RORA: variants seen among roughly 807,000 people sequenced by gnomAD.
RORA encodes the protein nuclear receptor ROR-alpha.
In RORA, 7 loss-of-function variants were observed where a neutral mutation model predicts 69.5. That is an observed-to-expected ratio of 0.10 (90% CI 0.06 to 0.19). The LOEUF (loss-of-function observed/expected upper bound fraction) is 0.19, where lower values mean the gene tolerates loss of function less well. RORA is among the 10% of genes least tolerant of loss of function. The pLI, the probability that RORA is intolerant of heterozygous loss-of-function variation, is 1.00. For synonymous variants in RORA, 261 were observed against 240.8 expected, an observed-to-expected ratio of 1.08 and a Z score of -0.78; for missense variants, 457 against 663.0, an observed-to-expected ratio of 0.69 and a Z score of 3.41.
intron 1 of RORA, among the ~76,000 whole-genome samples, chr15:61,046,814 T>A (rs782946): frequency 6.6e-6 from 1 of 152,108 alleles, no homozygotes; most frequent in Non-Finnish European, 1.5e-5. Flanking sequence ...TCCTCTGGTG[T>A]CAACCTGAAG....
intron 1 of RORA, among the ~76,000 whole-genome samples, chr15:61,212,686 CA>C (rs1317095635): frequency 2.0e-5 from 3 of 152,226 alleles, no homozygotes; most frequent in Admixed American, 1.3e-4. Context: ...GCCACCATGC[CA>C]GGCCCATTCT....
At chr15:60,759,142 A>T (rs548072555) in intron 1 of RORA, among the ~76,000 whole-genome samples, 7 of 152,310 alleles carry the variant, frequency 4.6e-5, no homozygotes, top group Admixed American at 6.5e-5. Context: ...TGACGTCAAA[A>T]TGGTTGATTC....
intron 1 of RORA, among the ~76,000 whole-genome samples, chr15:61,148,623 T>C (rs1170413032): frequency 6.6e-6 from 1 of 152,048 alleles, no homozygotes; most frequent in East Asian, 1.9e-4. Context: ...ATAAATAGAA[T>C]GGGAAGGAAT....
At chr15:60,866,524 C>T (rs1431711562) in intron 1 of RORA, among the ~76,000 whole-genome samples, 2 of 152,174 alleles carry the variant, frequency 1.3e-5, no homozygotes, top group African/African-American at 2.4e-5. Context: ...AATGACTGCC[C>T]TTTAGGAAGC....
chr15:60,707,382 G>A (rs973687040), intron 1 of RORA, among the ~76,000 whole-genome samples: 3 of 96,620 alleles, frequency 3.1e-5, no homozygotes, highest in Non-Finnish European at 7.0e-5. Flanking sequence ...TTATTTATTT[G>A]AGATGGAGTC....
intron 5 of RORA, among the ~76,000 whole-genome samples, chr15:60,508,723 A>C (rs187097739): frequency 2.4e-4 from 36 of 152,324 alleles, no homozygotes; most frequent in African/African-American, 8.4e-4. Context: ...ACTGGGTTGT[A>C]TAACTTATAT....
chr15:60,682,276 T>G (rs1168741689), intron 1 of RORA: 1 of 152,218 alleles, frequency 6.6e-6, no homozygotes, highest in Non-Finnish European at 1.5e-5. Context: ...TGAATTACCA[T>G]GTGATAGTGA....
intron 1 of RORA, among the ~76,000 whole-genome samples, chr15:61,145,146 C>A (rs1041055286): frequency 2.6e-5 from 4 of 152,112 alleles, no homozygotes; most frequent in East Asian, 1.9e-4. Context: ...GATATCTGTA[C>A]AAAGATTTTA....
At chr15:60,792,005 A>G (rs2072424513) in intron 1 of RORA, among the ~76,000 whole-genome samples, 2 of 152,224 alleles carry the variant, frequency 1.3e-5, no homozygotes, top group Admixed American at 6.5e-5. Context: ...TTAGCTGATA[A>G]GTACTTTAAA....
At chr15:60,942,454 A>G (rs1387144258) in intron 1 of RORA, among the ~76,000 whole-genome samples, 1 of 152,252 alleles carries the variant, frequency 6.6e-6, no homozygotes, top group East Asian at 1.9e-4. Flanking sequence ...ATGTGTGTTA[A>G]GCAAGATGTT....
At chr15:61,178,382 T>C (rs1197967301) in intron 1 of RORA, among the ~76,000 whole-genome samples, 1 of 152,138 alleles carries the variant, frequency 6.6e-6, no homozygotes, top group Non-Finnish European at 1.5e-5. Context: ...TCATCCTTTT[T>C]CCCCAGTTAA....
At chr15:60,609,747 G>A (rs1045856673) in intron 2 of RORA, among the ~76,000 whole-genome samples, 2 of 152,190 alleles carry the variant, frequency 1.3e-5, no homozygotes, top group Non-Finnish European at 2.9e-5. Context: ...GGGTCTCCAC[G>A]GTTGCCTGAT....
At chr15:60,873,430 C>T (rs1011385238) in intron 1 of RORA, among the ~76,000 whole-genome samples, 3 of 152,060 alleles carry the variant, frequency 2.0e-5, no homozygotes, top group Non-Finnish European at 2.9e-5. Flanking sequence ...TTCTAAAAGG[C>T]CAGGAAAACT....
In RORA at chr15:61,100,185, T is replaced by C. The variant is rs1232035507; in HGVS notation, c.166+128868A>G. Among the ~76,000 whole-genome samples, 7 of 147,538 alleles carry C rather than the reference T, an allele frequency of 4.7e-5. No individual in the cohort carries two copies. In the East Asian group the frequency reaches 1.5e-3, roughly 31 times the overall value. On this transcript the variant is annotated intron_variant, in intron 1 of 10. Coordinates refer to ENST00000335670, the MANE Select transcript of RORA (RefSeq NM_134261.3). ...CCCAGGCTGGAGTGCAGTGACACGA[T>C]CTCGGCTCACTGCAGCCTCCGCCTC...
chr15:61,080,626 G>A (rs1445118026), intron 1 of RORA, among the ~76,000 whole-genome samples: 1 of 152,164 alleles, frequency 6.6e-6, no homozygotes, highest in African/African-American at 2.4e-5. Flanking sequence ...AAGGAGGAAT[G>A]GCTGCAGTGT....
intron 2 of RORA, among the ~76,000 whole-genome samples, chr15:60,573,867 T>C (rs2067952227): frequency 6.6e-6 from 1 of 152,220 alleles, no homozygotes; most frequent in Non-Finnish European, 1.5e-5. Flanking sequence ...TATTTCCACC[T>C]TGGGCCCTCC....
chr15:60,617,219 A>T (rs1424410484), intron 2 of RORA, among the ~76,000 whole-genome samples: 1 of 152,194 alleles, frequency 6.6e-6, no homozygotes, highest in Non-Finnish European at 1.5e-5. Flanking sequence ...TGCCTGGTAT[A>T]CAGTAGGTGC....
chr15:60,971,031 C>G (rs540238341), intron 1 of RORA, among the ~76,000 whole-genome samples: 1 of 152,246 alleles, frequency 6.6e-6, no homozygotes, highest in South Asian at 2.1e-4. Flanking sequence ...GGGGCATAAA[C>G]AGAGAAGTAC....
intron 1 of RORA, among the ~76,000 whole-genome samples, chr15:60,908,360 G>T (rs1219839401): frequency 6.6e-6 from 1 of 152,148 alleles, no homozygotes; most frequent in Non-Finnish European, 1.5e-5. Context: ...AATCAAAATG[G>T]AATGCAAATA....
Sources: gnomAD v4.1 joint callset for allele counts (sites outside exome capture counted in the v4.1 genomes callset) on GRCh38, gnomAD v4.1.1 for gene constraint, MANE v1.5 for transcripts, NCBI Gene and HGNC (gene_info 2026-07-23, HGNC 2026-07-21) for gene names.